CHCHD6: variants seen among roughly 807,000 people sequenced by gnomAD.
The protein encoded by CHCHD6 is MICOS complex subunit MIC25.
In CHCHD6, 28 loss-of-function variants were observed where a neutral mutation model predicts 32.3. The ratio of observed to expected loss-of-function variants is 0.87; its 90% confidence interval spans 0.64 to 1.19. The LOEUF is 1.19. Among genes scored for constraint, CHCHD6 ranks in the 50% most tolerant of loss-of-function variants. CHCHD6 has a pLI of 0.00. For missense variants in CHCHD6, 333 were observed against 307.0 expected (o/e 1.08, Z -0.63); for synonymous variants, 122 against 117.5 (o/e 1.04, Z -0.25).
intron 1 of CHCHD6, among the ~76,000 whole-genome samples, chr3:126,713,117 T>C (rs1156896432): frequency 3.3e-5 from 5 of 152,252 alleles, no homozygotes; most frequent in African/African-American, 2.4e-5. Context: ...AATTGTTCTT[T>C]ATTAGCTTGC....
At chr3:126,897,743 C>T (rs2077861569) in intron 5 of CHCHD6, among the ~76,000 whole-genome samples, 1 of 152,188 alleles carries the variant, frequency 6.6e-6, no homozygotes, top group Non-Finnish European at 1.5e-5. Flanking sequence ...CCATTCTGAC[C>T]TTTTTTCAGT....
rs560803532 is a variant in CHCHD6 at position 126,833,392 on chromosome 3, A to G, written c.412-19255A>G. ...CTCCCTGAAAGACAGAAGATTTGCC[A>G]CTTCTAAAGATCTGCATAAATGTGT... is the stretch of plus-strand genomic sequence containing the variant. On this transcript the variant is annotated intron_variant, in intron 4 of 7. Coordinates refer to ENST00000290913, the MANE Select transcript of CHCHD6 (RefSeq NM_032343.3). Among the ~76,000 whole-genome samples, 3 of 152,248 alleles carry G rather than the reference A, an allele frequency of 2.0e-5. No homozygotes were observed. The South Asian group carries it at 6.2e-4, about 31-fold the overall frequency.
chr3:126,800,834 C>T (rs916654921), intron 4 of CHCHD6, among the ~76,000 whole-genome samples: 1 of 152,146 alleles, frequency 6.6e-6, no homozygotes, highest in Non-Finnish European at 1.5e-5. Context: ...AAGATTGCTT[C>T]ATGAGAGGTT....
At chr3:126,740,236 C>T (rs936849322) in intron 4 of CHCHD6, among the ~76,000 whole-genome samples, 1 of 152,064 alleles carries the variant, frequency 6.6e-6, no homozygotes, top group African/African-American at 2.4e-5. Context: ...TTCCTTGTCC[C>T]TCCTGCAGCT....
chr3:126,882,438 C>T (rs2077623204), intron 5 of CHCHD6, among the ~76,000 whole-genome samples: 2 of 152,222 alleles, frequency 1.3e-5, no homozygotes, highest in South Asian at 4.1e-4. Flanking sequence ...TCCTGGTTCT[C>T]CGCTGCAGAG....
At chr3:126,729,717 C>T (rs11718070) in intron 2 of CHCHD6, among the ~76,000 whole-genome samples, 13,880 of 152,142 alleles carry the variant, frequency 0.091, 816 homozygotes, top group Middle Eastern at 0.21. Flanking sequence ...CCGAAGGATC[C>T]CTGACGGGTC....
At chr3:126,783,471 A>T (rs1274676273) in intron 4 of CHCHD6, among the ~76,000 whole-genome samples, 2 of 152,212 alleles carry the variant, frequency 1.3e-5, no homozygotes, top group African/African-American at 2.4e-5. Flanking sequence ...AAGAAAATGA[A>T]ATAGAAAGCA....
chr3:126,789,047 ACATC>A (rs2107684764), intron 4 of CHCHD6, among the ~76,000 whole-genome samples: 1 of 152,290 alleles, frequency 6.6e-6, no homozygotes, highest in African/African-American at 2.4e-5. Flanking sequence ...GTTTCAAAGG[ACATC>A]TTTATTTCTG....
chr3:126,756,936 A>G (rs1936975174), intron 4 of CHCHD6, among the ~76,000 whole-genome samples: 1 of 152,194 alleles, frequency 6.6e-6, no homozygotes. Flanking sequence ...GAATCACATC[A>G]TGTATGTTTG....
At chr3:126,795,319 T>C (rs1559848228) in intron 4 of CHCHD6, among the ~76,000 whole-genome samples, 3 of 152,228 alleles carry the variant, frequency 2.0e-5, no homozygotes, top group Non-Finnish European at 4.4e-5. Flanking sequence ...TTTAGTAATT[T>C]CCATCATGCT....
intron 4 of CHCHD6, among the ~76,000 whole-genome samples, chr3:126,777,525 C>T (rs1239167160): frequency 6.6e-6 from 1 of 152,072 alleles, no homozygotes; most frequent in Admixed American, 6.6e-5. Context: ...AACAAGATAC[C>T]CTCTAGGAGA....
chr3:126,951,871 A>G (rs899418592), intron 6 of CHCHD6, among the ~76,000 whole-genome samples: 1 of 152,220 alleles, frequency 6.6e-6, no homozygotes, highest in African/African-American at 2.4e-5. Context: ...AGGTCTGGGT[A>G]CAGTCTAACT....
At chr3:126,951,330 G>A (rs142497729) in intron 6 of CHCHD6, among the ~76,000 whole-genome samples, 8 of 152,302 alleles carry the variant, frequency 5.3e-5, no homozygotes, top group African/African-American at 1.9e-4. Context: ...TTATAGGAGT[G>A]TGAAAACAGA....
chr3:126,748,685 G>C (rs1422112171), intron 4 of CHCHD6, among the ~76,000 whole-genome samples: 1 of 151,988 alleles, frequency 6.6e-6, no homozygotes, highest in Non-Finnish European at 1.5e-5. Flanking sequence ...TTCCTTCAAG[G>C]GGTATTTATC....
At position 126,928,781 on chromosome 3, in the gene CHCHD6, G is replaced by A. The variant is rs75224948; in HGVS notation, c.566+14031G>A. On this transcript the variant is annotated intron_variant, in intron 6 of 7. Coordinates refer to ENST00000290913, the MANE Select transcript of CHCHD6 (RefSeq NM_032343.3). ...TCCCCACCACCACACACACACAGAT[G>A]AGGTCCGGAGTAACTGCTTAGTGGC... Among the ~76,000 whole-genome samples the A allele has an allele frequency of 8.7e-3, 1,331 of 152,306 alleles. 16 individuals are homozygous for A. The highest frequency in any genetic ancestry group is 0.014 in the Non-Finnish European group (944 of 68,032).
At chr3:126,877,091 T>C (rs1379117858) in intron 5 of CHCHD6, among the ~76,000 whole-genome samples, 1 of 152,120 alleles carries the variant, frequency 6.6e-6, no homozygotes, top group East Asian at 1.9e-4. Flanking sequence ...GGGAAAAAGA[T>C]AGAAGTGTTT....
intron 6 of CHCHD6, among the ~76,000 whole-genome samples, chr3:126,926,010 C>T (rs1040584721): frequency 3.9e-5 from 6 of 152,178 alleles, no homozygotes; most frequent in African/African-American, 9.6e-5. Flanking sequence ...CCCTTGCCTC[C>T]GCTGCAGAGC....
chr3:126,869,641 A>G (rs376221486), intron 5 of CHCHD6, among the ~76,000 whole-genome samples: 1 of 152,110 alleles, frequency 6.6e-6, no homozygotes, highest in South Asian at 2.1e-4. Context: ...TTTCTAATTA[A>G]TTTTTAGGAC....
In CHCHD6 at chr3:126,711,820, C is replaced by T. The variant is rs943635722; in HGVS notation, c.87+7421C>T. On this transcript the variant is annotated intron_variant, in intron 1 of 7. Coordinates refer to ENST00000290913, the MANE Select transcript of CHCHD6 (RefSeq NM_032343.3). Reference sequence around the variant, plus strand: ...CCAGCTTGGAAAGCCAGAAAACAGGCAGCCAACTTCTCTGCTGCTTTTCAA... The same window carrying T: ...CCAGCTTGGAAAGCCAGAAAACAGGTAGCCAACTTCTCTGCTGCTTTTCAA... Among the ~76,000 whole-genome samples the T allele has an allele frequency of 2.0e-5, 3 of 152,342 alleles. No homozygotes were observed. The East Asian group carries it at 5.8e-4, about 29-fold the overall frequency.
Sources: gnomAD v4.1 joint callset for allele counts (sites outside exome capture counted in the v4.1 genomes callset) on GRCh38, gnomAD v4.1.1 for gene constraint, MANE v1.5 for transcripts, NCBI Gene and HGNC (gene_info 2026-07-23, HGNC 2026-07-21) for gene names.